RTN3: variants seen among roughly 807,000 people sequenced by gnomAD.
RTN3 encodes the protein reticulon-3.
RTN3 carries 49 observed loss-of-function variants against 77.8 expected under a neutral mutation model. That is an observed-to-expected ratio of 0.63 (90% CI 0.50 to 0.80). RTN3 has a LOEUF of 0.80. Ranked by LOEUF, RTN3 falls within the 30% of genes least tolerant of loss-of-function variation. RTN3 has a pLI of 0.00. For synonymous variants in RTN3, 464 were observed against 446.9 expected, an observed-to-expected ratio of 1.04 and a Z score of -0.48; for missense variants, 1,236 against 1,211.9, an observed-to-expected ratio of 1.02 and a Z score of -0.29.
chr11:63,736,390 T>C (rs1352811907), intron 3 of RTN3, among the ~76,000 whole-genome samples: 1 of 151,884 alleles, frequency 6.6e-6, no homozygotes, highest in East Asian at 1.9e-4. Context: ...GAAAAAACAA[T>C]AAAAAATAAT....
At chr11:63,739,566 C>T (rs796638576) in intron 3 of RTN3, among the ~76,000 whole-genome samples, 26 of 152,302 alleles carry the variant, frequency 1.7e-4, no homozygotes, top group African/African-American at 5.8e-4. Context: ...ATCAGTGGCT[C>T]TCTCCAGTAG....
At position 63,720,369 on chromosome 11, in the gene RTN3, A is replaced by G. The variant is rs1203432868; in HGVS notation, c.1867A>G (p.Thr623Ala). 1.9e-6 allele frequency: 3 copies of G among 1,614,106 alleles called. No individual in the cohort carries two copies. The highest frequency in any genetic ancestry group is 2.7e-5 in the African/African-American group (2 of 75,038). The change falls in exon 3 of 9, where the codon ACA (threonine) becomes GCA (alanine). Residue 623 changes from threonine (T) to alanine (A), a missense_variant. Thr to Ala is a moderately conservative substitution (Grantham distance 58). Around this residue, in one of 3 missense-constraint regions of RTN3, gnomAD observed 1,056 missense variants for 990.4 expected, o/e 1.07. Coordinates refer to ENST00000377819, the MANE Select transcript of RTN3 (RefSeq NM_001265589.2). ...STVSPNVFNE[T>A]EFSLNVTTSA... ...AGTGTCTCCAAATGTTTTTAATGAG[A>G]CAGAATTCTCATTAAATGTGACAAC...
Position 63,688,603 on chromosome 11 carries a change from A to C in RTN3, c.142+6825A>C, listed in dbSNP as rs187988791. 9.9e-3 allele frequency among the ~76,000 whole-genome samples: 1,513 copies of C among 152,262 alleles called. 16 individuals are homozygous for C. Among genetic ancestry groups the C allele is most frequent in the Non-Finnish European group, 0.016 (1,070 of 68,010 alleles). ...CCACTCTGATCAAATTAAACAACCA[A>C]TCTACATACATTTAGTAGGTGCACC... On this transcript the variant is annotated intron_variant, in intron 1 of 8. Coordinates refer to ENST00000377819, the MANE Select transcript of RTN3 (RefSeq NM_001265589.2).
intron 3 of RTN3, among the ~76,000 whole-genome samples, chr11:63,742,906 G>T (rs954222391): frequency 6.6e-6 from 1 of 151,900 alleles, no homozygotes; most frequent in Non-Finnish European, 1.5e-5. Flanking sequence ...TTGAGATTGA[G>T]TCCCACTCTT....
At chr11:63,708,890 A>T (rs927929159) in intron 2 of RTN3, among the ~76,000 whole-genome samples, 4 of 152,236 alleles carry the variant, frequency 2.6e-5, no homozygotes, top group African/African-American at 9.6e-5. Flanking sequence ...ACATACAAAG[A>T]TATTGACAGA....
At chr11:63,682,899 GA>G (rs1031157276) in intron 1 of RTN3, among the ~76,000 whole-genome samples, 2 of 151,592 alleles carry the variant, frequency 1.3e-5, no homozygotes, top group Non-Finnish European at 2.9e-5. Context: ...TCTTTGAAGG[GA>G]AAAAAAATGC....
chr11:63,738,381 T>A (rs2013267885), intron 3 of RTN3, among the ~76,000 whole-genome samples: 1 of 152,192 alleles, frequency 6.6e-6, no homozygotes, highest in Non-Finnish European at 1.5e-5. Context: ...GATTCACGCC[T>A]GTAATTCCAG....
chr11:63,725,177 C>A (rs181593222), intron 3 of RTN3, among the ~76,000 whole-genome samples: 1 of 152,160 alleles, frequency 6.6e-6, no homozygotes, highest in East Asian at 1.9e-4. Flanking sequence ...GTACATCCTT[C>A]CAGTTTATTT....
chr11:63,701,170 A>G (rs578060520), intron 1 of RTN3, among the ~76,000 whole-genome samples: 1 of 150,620 alleles, frequency 6.6e-6, no homozygotes, highest in East Asian at 1.9e-4. Context: ...AAATTTTTAT[A>G]CTTTCTAAAC....
At chr11:63,753,335 T>C (rs544302091) in intron 6 of RTN3, among the ~76,000 whole-genome samples, 197 bp downstream of exon 6, 1 of 152,266 alleles carries the variant, frequency 6.6e-6, no homozygotes, top group South Asian at 2.1e-4. Context: ...AATTAAGAAA[T>C]ATCAAAACAG....
Position 63,758,625 on chromosome 11 carries a change from T to C in RTN3, c.*424T>C, listed in dbSNP as rs2014508333. The C allele has an allele frequency of 2.5e-6, 1 of 394,618 alleles. No homozygotes were observed. Among genetic ancestry groups the C allele is most frequent in the Non-Finnish European group, 4.5e-6 (1 of 224,042 alleles). The allele number at this position is 394,618 out of a possible 1,614,324, so 24.4% of individuals were successfully genotyped here. A position where few individuals can be genotyped will look rare whatever the true frequency, so the allele number is the denominator to read the frequency against. On this transcript the variant is annotated 3_prime_UTR_variant, in exon 9 of 9. Coordinates refer to ENST00000377819, the MANE Select transcript of RTN3 (RefSeq NM_001265589.2). ...TCATGATTAACTTATGAAAAAATTA[T>C]TTGGGGACAGGAGTGTGATACCTTC... is the stretch of plus-strand genomic sequence containing the variant.
chr11:63,731,556 TAA>T (rs1470946776), intron 3 of RTN3, among the ~76,000 whole-genome samples: 1 of 152,236 alleles, frequency 6.6e-6, no homozygotes, highest in African/African-American at 2.4e-5. Context: ...AGAAAAATAT[TAA>T]GTGATTTAAA....
intron 1 of RTN3, among the ~76,000 whole-genome samples, chr11:63,699,950 C>T (rs1221029319): frequency 6.6e-6 from 1 of 152,170 alleles, no homozygotes; most frequent in Non-Finnish European, 1.5e-5. Context: ...TTCCCTGTGA[C>T]ACAAATACAG....
chr11:63,746,890 TA>T (rs1405882558), intron 3 of RTN3: 1 of 445,236 alleles, frequency 2.2e-6, no homozygotes, highest in Non-Finnish European at 4.5e-6. Flanking sequence ...AGTACACATT[TA>T]AATTTTGTCA....
At chr11:63,693,769 A>G (rs1488913268) in intron 1 of RTN3, among the ~76,000 whole-genome samples, 1 of 152,130 alleles carries the variant, frequency 6.6e-6, no homozygotes, top group African/African-American at 2.4e-5. Flanking sequence ...TCTACTAACA[A>G]CTTTAATCCA....
intron 3 of RTN3, among the ~76,000 whole-genome samples, chr11:63,749,579 T>G (rs1312064790): frequency 6.6e-6 from 1 of 152,222 alleles, no homozygotes; most frequent in Non-Finnish European, 1.5e-5. Context: ...CCAAACTATT[T>G]AAGGTAAATG....
intron 2 of RTN3, among the ~76,000 whole-genome samples, chr11:63,707,592 A>C (rs1268366587): frequency 6.6e-6 from 1 of 152,010 alleles, no homozygotes; most frequent in East Asian, 1.9e-4. Context: ...CTAGCACTTT[A>C]GGAGGCTGAG....
intron 4 of RTN3, chr11:63,750,544 C>T (rs1449166575): frequency 4.6e-6 from 1 of 217,164 alleles, no homozygotes; most frequent in Admixed American, 5.3e-5. Context: ...CCTCTGCCTC[C>T]CAGGTGAAAG....
At chr11:63,684,658 G>A (rs190915235) in intron 1 of RTN3, among the ~76,000 whole-genome samples, 92 of 152,262 alleles carry the variant, frequency 6.0e-4, no homozygotes, top group African/African-American at 2.0e-3. Flanking sequence ...CTGTAGACAC[G>A]TATCACTATT....
Sources: allele counts gnomAD v4.1 joint callset (sites outside exome capture counted in the v4.1 genomes callset), GRCh38; gene constraint gnomAD v4.1.1; regional missense constraint gnomAD v4.1.1; transcripts MANE v1.5; gene names NCBI Gene and HGNC (gene_info 2026-07-23, HGNC 2026-07-21).